The following IL2RB variants were observed in gnomAD, a reference collection of about 807,000 sequenced individuals.
IL2RB encodes the protein interleukin-2 receptor subunit beta.
Under a neutral mutation model 44.2 loss-of-function variants are expected in IL2RB, and 17 were observed. That is an observed-to-expected ratio of 0.38 (90% CI 0.26 to 0.58). The LOEUF (loss-of-function observed/expected upper bound fraction) is 0.58. Among genes scored for constraint, IL2RB ranks in the 20% least tolerant of loss-of-function variants. The probability of loss-of-function intolerance (pLI) is 0.63; values close to 1 mark genes in which losing one functional copy is unlikely to be tolerated. For synonymous variants in IL2RB, 286 were observed against 297.9 expected (o/e 0.96, Z 0.41); for missense variants, 624 against 685.5 (o/e 0.91, Z 1.00).
chr22:37,174,534 C>A (rs1283166490), intron 1 of IL2RB, among the ~76,000 whole-genome samples: 1 of 152,146 alleles, frequency 6.6e-6, no homozygotes, highest in African/African-American at 2.4e-5. Context: ...GCCATGAACC[C>A]CAACTATGCT....
At chr22:37,168,553 G>A (rs572578591) in intron 1 of IL2RB, among the ~76,000 whole-genome samples, 1 of 152,340 alleles carries the variant, frequency 6.6e-6, no homozygotes, top group East Asian at 1.9e-4. Flanking sequence ...TCTGAAACAT[G>A]CGACTACTCC....
chr22:37,172,648 T>A (rs1380931526), intron 1 of IL2RB, among the ~76,000 whole-genome samples: 1 of 152,198 alleles, frequency 6.6e-6, no homozygotes, highest in African/African-American at 2.4e-5. Context: ...TAATGAAGGC[T>A]TTGTTTTGTA....
Position 37,128,040 on chromosome 22 carries a change from C to T in IL2RB, c.*56G>A. ...TGGACTGAGGACCCTCAACAGGGTCCTTCTGAGGCTCGGCGCAGAGCAGGC... is the reference window on the plus strand; with the variant it reads ...TGGACTGAGGACCCTCAACAGGGTCTTTCTGAGGCTCGGCGCAGAGCAGGC... On this transcript the variant is annotated 3_prime_UTR_variant, in exon 10 of 10. Coordinates refer to ENST00000216223, the MANE Select transcript of IL2RB (RefSeq NM_000878.5). The surrounding 1 kb of genome is among the most constrained non-coding windows in gnomAD (Gnocchi z 4.5). 1 of 1,414,324 alleles carries T rather than the reference C, an allele frequency of 7.1e-7. No individual in the cohort carries two copies. Among genetic ancestry groups the T allele is most frequent in the Non-Finnish European group, 9.3e-7 (1 of 1,077,550 alleles). The allele number at this position is 1,414,324 out of a possible 1,614,324, so 87.6% of individuals were successfully genotyped here.
rs774873160 is a variant in IL2RB at position 37,132,371 on chromosome 22, C to G, written c.903+13G>C. The G allele has an allele frequency of 2.0e-5, 33 of 1,611,646 alleles. No homozygotes were observed. In the South Asian group the frequency reaches 3.6e-4, roughly 18 times the overall value. ...CCCCTGCCCACCTCTGTCTCCCCGC[C>G]CCGGCCTCCTACCTGGACGTCTCCT... On this transcript the variant is annotated intron_variant, in intron 9 of 9. Transcript: ENST00000216223.
chr22:37,128,054 C>G lies in IL2RB; in HGVS notation c.*42G>C. 6.8e-7 allele frequency: 1 copy of G among 1,461,150 alleles called. No individual in the cohort carries two copies. Among genetic ancestry groups the G allele is most frequent in the Non-Finnish European group, 9.0e-7 (1 of 1,107,762 alleles). The allele number at this position is 1,461,150 out of a possible 1,614,324, so 90.5% of individuals were successfully genotyped here. A position where few individuals can be genotyped will look rare whatever the true frequency, so the allele number is the denominator to read the frequency against. ...TCAACAGGGTCCTTCTGAGGCTCGG[C>G]GCAGAGCAGGCAGCTGCCTGCCTCC... On this transcript the variant is annotated 3_prime_UTR_variant, in exon 10 of 10. Coordinates refer to ENST00000216223, the MANE Select transcript of IL2RB (RefSeq NM_000878.5). This position sits in a 1 kb window ranked among gnomAD's most constrained non-coding sequence, Gnocchi z 4.5.
chr22:37,168,743 G>A (rs1049764998), intron 1 of IL2RB, among the ~76,000 whole-genome samples: 1 of 152,214 alleles, frequency 6.6e-6, no homozygotes, highest in African/African-American at 2.4e-5. Context: ...GACAGAGGGA[G>A]CTGCAAGAGC....
chr22:37,134,074 C>G (rs1417629463), intron 8 of IL2RB, among the ~76,000 whole-genome samples: 2 of 152,116 alleles, frequency 1.3e-5, no homozygotes, highest in Non-Finnish European at 2.9e-5. Context: ...AGTCAGCACT[C>G]AGGATCCGTG....
chr22:37,138,850 T>A (rs911548678), intron 5 of IL2RB, among the ~76,000 whole-genome samples: 2 of 150,940 alleles, frequency 1.3e-5, no homozygotes, highest in African/African-American at 4.9e-5. Flanking sequence ...GCAAGGTGGG[T>A]TTGGAGAGTT....
chr22:37,139,193 G>A lies in IL2RB; in HGVS notation c.312C>T (p.Val104=). 1.2e-6 allele frequency: 2 copies of A among 1,613,602 alleles called. No homozygotes were observed. Among genetic ancestry groups the A allele is most frequent in the Non-Finnish European group, 1.7e-6 (2 of 1,179,694 alleles). Residue 104 remains valine, a synonymous_variant, in exon 5 of 10, where the codon GTC becomes GTT. Transcript: ENST00000216223. ...CCTCACGGCACAGCACCCTCAGGGT[G>A]ACGATGTCAACTGTGGTCAGTTTCT... ...DSQKLTTVDI[V]TLRVLCREGV...
chr22:37,140,738 A>G (rs896238938), intron 4 of IL2RB, among the ~76,000 whole-genome samples: 5 of 152,156 alleles, frequency 3.3e-5, no homozygotes, highest in Admixed American at 1.3e-4. Context: ...AGGCTTTGAC[A>G]GACAATAATT....
At chr22:37,139,431 C>T (rs2281094) in intron 4 of IL2RB, among the ~76,000 whole-genome samples, 40,549 of 152,116 alleles carry the variant, frequency 0.27, 5,644 homozygotes, top group Admixed American at 0.33. Flanking sequence ...GACTCAACTC[C>T]GCCACTGTAG....
At chr22:37,164,397 A>G (rs138987176) in intron 1 of IL2RB, among the ~76,000 whole-genome samples, 2,168 of 149,960 alleles carry the variant, frequency 0.014, 67 homozygotes, top group African/African-American at 0.049. Flanking sequence ...GTTTGAGCCC[A>G]GAGGTGCTGC....
rs1569044101 is a variant in IL2RB at position 37,137,753 on chromosome 22, TA to T, written c.389-19del. 1.2e-6 allele frequency: 2 copies of T among 1,610,132 alleles called. No homozygotes were observed. Among genetic ancestry groups the T allele is most frequent in the Non-Finnish European group, 8.5e-7 (1 of 1,177,162 alleles). On this transcript the variant is annotated intron_variant, in intron 5 of 9. Transcript: ENST00000216223. ...CAGGCGAACTGGAGACAACAGGGGGTAGGGGAGAGCAGTCAGCCATGACCTC... is the reference window on the plus strand; with the variant it reads ...CAGGCGAACTGGAGACAACAGGGGGTGGGGAGAGCAGTCAGCCATGACCTC...
At chr22:37,139,081 G>T in intron 5 of IL2RB, 36 bp downstream of exon 5, 1 of 1,383,982 alleles carries the variant, frequency 7.2e-7, no homozygotes, top group Non-Finnish European at 1.0e-6. Flanking sequence ...GAGGTGCCCA[G>T]CCCTGCCCCA....
intron 4 of IL2RB, among the ~76,000 whole-genome samples, chr22:37,140,699 G>T (rs1310782640): frequency 6.6e-6 from 1 of 151,024 alleles, no homozygotes; most frequent in Non-Finnish European, 1.5e-5. Flanking sequence ...ATGTGGTCCG[G>T]GTGTCCTTGG....
intron 9 of IL2RB, among the ~76,000 whole-genome samples, chr22:37,129,194 A>G (rs1921297156): frequency 1.3e-5 from 2 of 152,222 alleles, no homozygotes; most frequent in African/African-American, 4.8e-5. Context: ...GACCCAGGAA[A>G]GGAGAGAATC....
At chr22:37,159,936 TTGTTCCCAGCCAAGTTTAAAAC>T (rs1213580033) in intron 1 of IL2RB, among the ~76,000 whole-genome samples, 1 of 152,274 alleles carries the variant, frequency 6.6e-6, no homozygotes, top group Non-Finnish European at 1.5e-5. Flanking sequence ...GTGCCCAGCC[TTGTTCCCAGCCAAGTTTAAAAC>T]ATGATTCTCT....
upstream of IL2RB, chr22:37,149,981 G>C: frequency 1.1e-6 from 1 of 910,024 alleles, no homozygotes; most frequent in South Asian, 5.0e-5. Context: ...AGGATAGAGG[G>C]GCAAGGCCTG....
chr22:37,156,928 G>A (rs181224481), intron 1 of IL2RB, among the ~76,000 whole-genome samples: 1 of 152,246 alleles, frequency 6.6e-6, no homozygotes, highest in African/African-American at 2.4e-5. Context: ...CCCCTGCTCG[G>A]TGCTGTGACC....
Sources: gnomAD v4.1 joint callset for allele counts (sites outside exome capture counted in the v4.1 genomes callset) on GRCh38, gnomAD v4.1.1 for gene constraint, Gnocchi (gnomAD v3.1) non-coding constraint, MANE v1.5 for transcripts, NCBI Gene and HGNC (gene_info 2026-07-23, HGNC 2026-07-21) for gene names.